LRP1B: variants seen among roughly 807,000 people sequenced by gnomAD.
LRP1B encodes the protein LDL receptor related protein 1B.
In LRP1B, 217 loss-of-function variants were observed where a neutral mutation model predicts 556.6. The observed-to-expected ratio is 0.39, with a 90% CI of 0.35 to 0.44. The LOEUF (loss-of-function observed/expected upper bound fraction) is 0.44. Ranked by LOEUF, LRP1B falls within the 20% of genes least tolerant of loss-of-function variation. The pLI, the probability that LRP1B is intolerant of heterozygous loss-of-function variation, is 1.00. For missense variants in LRP1B, 5,053 were observed against 5,620.8 expected, an observed-to-expected ratio of 0.90 and a Z score of 3.23; for synonymous variants, 2,047 against 1,865.8, an observed-to-expected ratio of 1.10 and a Z score of -2.50.
At chr2:141,469,232 C>T (rs1682363444) in intron 3 of LRP1B, among the ~76,000 whole-genome samples, 1 of 152,142 alleles carries the variant, frequency 6.6e-6, no homozygotes, top group South Asian at 2.1e-4. Context: ...TCTGTATCTC[C>T]ACAAGAGTGA....
At chr2:141,572,991 T>C (rs1439919727) in intron 2 of LRP1B, among the ~76,000 whole-genome samples, 1 of 152,008 alleles carries the variant, frequency 6.6e-6, no homozygotes, top group Non-Finnish European at 1.5e-5. Context: ...TAGACCACAA[T>C]AATATTGGGA....
intron 1 of LRP1B, among the ~76,000 whole-genome samples, chr2:142,062,785 A>G (rs1472842005): frequency 6.6e-6 from 1 of 151,834 alleles, no homozygotes; most frequent in East Asian, 1.9e-4. Context: ...CAAGGTATCA[A>G]AAACAAATAT....
At chr2:141,198,820 C>A (rs78764950) in intron 6 of LRP1B, among the ~76,000 whole-genome samples, 4,410 of 152,202 alleles carry the variant, frequency 0.029, 222 homozygotes, top group African/African-American at 0.1. Flanking sequence ...TTACTCGATC[C>A]ACAAATCAAA....
At chr2:141,405,056 G>C in intron 3 of LRP1B, among the ~76,000 whole-genome samples, 1 of 151,894 alleles carries the variant, frequency 6.6e-6, no homozygotes, top group Non-Finnish European at 1.5e-5. Context: ...TCGCACTACT[G>C]CACTCCAGCC....
chr2:140,294,649 G>A (rs889319119), intron 84 of LRP1B, among the ~76,000 whole-genome samples: 2 of 152,130 alleles, frequency 1.3e-5, no homozygotes, highest in Admixed American at 1.3e-4. Flanking sequence ...TAAAGGAGAG[G>A]CTGCAGACCT....
chr2:140,254,787 C>T (rs183117131), intron 86 of LRP1B, among the ~76,000 whole-genome samples: 11 of 151,948 alleles, frequency 7.2e-5, no homozygotes, highest in African/African-American at 1.5e-4. Flanking sequence ...CTCCTGACCT[C>T]GTGATCCTCC....
intron 84 of LRP1B, among the ~76,000 whole-genome samples, chr2:140,295,038 G>A (rs527655678): frequency 3.9e-5 from 6 of 151,992 alleles, no homozygotes; most frequent in South Asian, 2.1e-4. Context: ...CACTGCGCCC[G>A]GCTAGTTTTT....
intron 2 of LRP1B, among the ~76,000 whole-genome samples, chr2:141,558,800 C>T (rs1255612332): frequency 6.6e-6 from 1 of 151,746 alleles, no homozygotes; most frequent in African/African-American, 2.4e-5. Flanking sequence ...AGGAAATCAT[C>T]TTCAGCGTAA....
At chr2:141,114,470 G>T (rs1226806223) in intron 7 of LRP1B, among the ~76,000 whole-genome samples, 2 of 152,108 alleles carry the variant, frequency 1.3e-5, no homozygotes, top group East Asian at 3.9e-4. Context: ...GTGTGAAGAC[G>T]ATCTTCCCCT....
At chr2:141,036,979 C>G in intron 11 of LRP1B, among the ~76,000 whole-genome samples, 1 of 151,988 alleles carries the variant, frequency 6.6e-6, no homozygotes, top group East Asian at 1.9e-4. Context: ...CTTCAAAACC[C>G]AGACACGCAG....
intron 51 of LRP1B, among the ~76,000 whole-genome samples, chr2:140,513,344 A>C (rs1385765): frequency 0.73 from 111,184 of 151,838 alleles, 41,410 homozygotes; most frequent in Middle Eastern, 0.83. Flanking sequence ...TCAACGGGGC[A>C]GTTTAGTGTA....
chr2:140,624,280 A>T (rs1364834396), intron 41 of LRP1B, among the ~76,000 whole-genome samples: 1 of 152,120 alleles, frequency 6.6e-6, no homozygotes, highest in Non-Finnish European at 1.5e-5. Context: ...TGCAAACTTT[A>T]GTTCTGAAAT....
At chr2:140,752,156 A>G (rs1559097149) in intron 35 of LRP1B, among the ~76,000 whole-genome samples, 1 of 152,010 alleles carries the variant, frequency 6.6e-6, no homozygotes, top group Non-Finnish European at 1.5e-5. Context: ...CTCTACTAAA[A>G]ATACAAAAAT....
chr2:141,931,895 G>A, intron 1 of LRP1B, among the ~76,000 whole-genome samples: 1 of 151,992 alleles, frequency 6.6e-6, no homozygotes, highest in East Asian at 1.9e-4. Flanking sequence ...AACTAAATCT[G>A]GAGATATGGG....
chr2:141,437,164 A>G (rs1362381774), intron 3 of LRP1B, among the ~76,000 whole-genome samples: 1 of 152,112 alleles, frequency 6.6e-6, no homozygotes, highest in African/African-American at 2.4e-5. Flanking sequence ...AAGCTCACTG[A>G]TGTATATATG....
intron 41 of LRP1B, among the ~76,000 whole-genome samples, chr2:140,677,099 T>A (rs1001557763): frequency 6.6e-6 from 1 of 152,220 alleles, no homozygotes; most frequent in Non-Finnish European, 1.5e-5. Flanking sequence ...AAGAGTAGTC[T>A]GAGAATCAGG....
intron 2 of LRP1B, among the ~76,000 whole-genome samples, chr2:141,489,834 G>C (rs1484585026): frequency 2.0e-5 from 3 of 152,202 alleles, no homozygotes; most frequent in Admixed American, 2.0e-4. Context: ...TTGTTAATCT[G>C]TATGATTACA....
At chr2:141,010,361 C>A (rs1282891040) in intron 14 of LRP1B, among the ~76,000 whole-genome samples, 2 of 151,898 alleles carry the variant, frequency 1.3e-5, no homozygotes, top group Non-Finnish European at 2.9e-5. Context: ...TACATTTTAC[C>A]AAAAGAAATC....
chr2:141,899,492 G>A (rs575765880), intron 1 of LRP1B, among the ~76,000 whole-genome samples: 6 of 152,120 alleles, frequency 3.9e-5, no homozygotes, highest in Admixed American at 3.9e-4. Context: ...CAGAGCATGC[G>A]GCACTCTCTA....
Sources: gnomAD v4.1 joint callset for allele counts (sites outside exome capture counted in the v4.1 genomes callset) on GRCh38, gnomAD v4.1.1 for gene constraint, MANE v1.5 for transcripts, NCBI Gene and HGNC (gene_info 2026-07-23, HGNC 2026-07-21) for gene names.